Variants in LRMDA observed in about 807,000 individuals in gnomAD.
LRMDA encodes the protein leucine rich melanocyte differentiation associated.
Under a neutral mutation model 29.8 loss-of-function variants are expected in LRMDA, and 18 were observed. The observed-to-expected ratio is 0.60, with a 90% CI of 0.42 to 0.90. LRMDA has a LOEUF of 0.90. LRMDA is among the 40% of genes least tolerant of loss of function. The probability of loss-of-function intolerance (pLI) is 0.00; values close to 1 mark genes in which losing one functional copy is unlikely to be tolerated. For missense variants in LRMDA, 273 were observed against 273.9 expected, an observed-to-expected ratio of 1.00 and a Z score of 0.02; for synonymous variants, 125 against 109.4, an observed-to-expected ratio of 1.14 and a Z score of -0.89.
chr10:75,890,663 A>C (rs1203726594), intron 2 of LRMDA, among the ~76,000 whole-genome samples: 1 of 152,180 alleles, frequency 6.6e-6, no homozygotes, highest in Non-Finnish European at 1.5e-5. Context: ...ATGCTTTACA[A>C]AATGCAACAA....
rs186626461 is a variant in LRMDA at position 76,092,170 on chromosome 10, G to C, written c.516+33387G>C. Among the ~76,000 whole-genome samples the C allele has an allele frequency of 2.0e-3, 299 of 152,308 alleles. 4 individuals carry two copies. The highest frequency in any genetic ancestry group is 7.0e-3 in the African/African-American group (291 of 41,568). ...TGACCCTGGTCAATGTTTAGCTAGT[G>C]TGCACTTAAATGATTTCCCCTAGTT... On this transcript the variant is annotated intron_variant, in intron 5 of 6. Coordinates refer to ENST00000611255, the MANE Select transcript of LRMDA (RefSeq NM_001305581.2).
chr10:75,541,402 CT>C (rs35660494), intron 2 of LRMDA, among the ~76,000 whole-genome samples: 72,118 of 136,826 alleles, frequency 0.53, 19,870 homozygotes, highest in Non-Finnish European at 0.63. Context: ...TCCCCACAAA[CT>C]TTTTTTTTTT....
At position 76,476,253 on chromosome 10, in the gene LRMDA, C is replaced by T. The variant is rs188274395; in HGVS notation, c.602-80956C>T. Among the ~76,000 whole-genome samples, 779 of 152,272 alleles carry T rather than the reference C, an allele frequency of 5.1e-3. 10 individuals are homozygous for T. Among genetic ancestry groups the T allele is most frequent in the African/African-American group, 0.018 (751 of 41,564 alleles). ...ATCCCACAGAAATACAAACTACTAT[C>T]AGAGAATACTATAAACACCTCTACG... On this transcript the variant is annotated intron_variant, in intron 6 of 6. Coordinates refer to ENST00000611255, the MANE Select transcript of LRMDA (RefSeq NM_001305581.2).
intron 2 of LRMDA, among the ~76,000 whole-genome samples, chr10:75,918,601 G>A (rs1236681515): frequency 6.6e-6 from 1 of 152,084 alleles, no homozygotes; most frequent in African/African-American, 2.4e-5. Flanking sequence ...TTTAATATTA[G>A]GGATTACGAT....
chr10:76,511,548 T>A lies in LRMDA; in HGVS notation c.602-45661T>A, dbSNP rs572327689. On this transcript the variant is annotated intron_variant, in intron 6 of 6. Transcript: ENST00000611255. ...GTTAGCAAGATTGCAAGATACAAGA[T>A]CAATATGTGAAAAATCAATTTTCTT... is the stretch of plus-strand genomic sequence containing the variant. Among the ~76,000 whole-genome samples the A allele has an allele frequency of 1.6e-4, 24 of 152,066 alleles. No individual in the cohort carries two copies. In the South Asian group the frequency reaches 5.0e-3, roughly 32 times the overall value.
intron 6 of LRMDA, among the ~76,000 whole-genome samples, chr10:76,509,420 T>G (rs2132350303): frequency 6.6e-6 from 1 of 152,296 alleles, no homozygotes; most frequent in South Asian, 2.1e-4. Context: ...ACCTTGCAAC[T>G]TAAGTTTCTA....
At chr10:75,713,062 A>T (rs1842456336) in intron 2 of LRMDA, among the ~76,000 whole-genome samples, 1 of 152,194 alleles carries the variant, frequency 6.6e-6, no homozygotes, top group South Asian at 2.1e-4. Context: ...TAGTGATAGT[A>T]ATGCACACTT....
intron 2 of LRMDA, among the ~76,000 whole-genome samples, chr10:75,629,066 A>G (rs1841291703): frequency 6.6e-6 from 1 of 152,236 alleles, no homozygotes; most frequent in Non-Finnish European, 1.5e-5. Flanking sequence ...CAAACCTGTA[A>G]GTGAGAAGCC....
At chr10:76,068,649 A>G (rs1332472552) in intron 5 of LRMDA, among the ~76,000 whole-genome samples, 2 of 152,222 alleles carry the variant, frequency 1.3e-5, no homozygotes, top group African/African-American at 4.8e-5. Flanking sequence ...CTTGTATCTA[A>G]TAGACCACAG....
intron 6 of LRMDA, among the ~76,000 whole-genome samples, chr10:76,504,037 C>T (rs998930098): frequency 1.3e-5 from 2 of 151,624 alleles, no homozygotes; most frequent in African/African-American, 4.8e-5. Context: ...TCTATATTTT[C>T]ATTAATTTCA....
intron 6 of LRMDA, among the ~76,000 whole-genome samples, chr10:76,514,366 G>T (rs777264546): frequency 1.3e-5 from 2 of 152,160 alleles, no homozygotes; most frequent in African/African-American, 2.4e-5. Context: ...AGGGCCAGTT[G>T]TCAGGTGGTT....
intron 5 of LRMDA, among the ~76,000 whole-genome samples, chr10:76,108,974 C>T (rs1028385357): frequency 3.3e-5 from 5 of 152,088 alleles, no homozygotes; most frequent in Admixed American, 6.5e-5. Flanking sequence ...CAATGGGCAG[C>T]GAATTTCTGA....
intron 2 of LRMDA, among the ~76,000 whole-genome samples, chr10:75,815,197 G>A (rs914737286): frequency 6.6e-6 from 1 of 152,154 alleles, no homozygotes; most frequent in Admixed American, 6.5e-5. Flanking sequence ...ATCCACACAG[G>A]CATATGGAGA....
intron 2 of LRMDA, among the ~76,000 whole-genome samples, chr10:75,916,395 AGGCAGCAG>A (rs1308610967): frequency 6.6e-6 from 1 of 152,036 alleles, no homozygotes; most frequent in East Asian, 1.9e-4. Flanking sequence ...GGCAAGAGAG[AGGCAGCAG>A]GGGTGAGGCA....
chr10:76,151,157 A>C (rs374030342), intron 5 of LRMDA, among the ~76,000 whole-genome samples: 1 of 152,116 alleles, frequency 6.6e-6, no homozygotes, highest in Non-Finnish European at 1.5e-5. Context: ...TCCTGTGTAC[A>C]TTTCCTGTGA....
At chr10:76,389,195 G>A (rs991862750) in intron 6 of LRMDA, among the ~76,000 whole-genome samples, 4 of 152,146 alleles carry the variant, frequency 2.6e-5, no homozygotes, top group Non-Finnish European at 4.4e-5. Flanking sequence ...AAGGGAGAAC[G>A]GCATGTAGAA....
intron 6 of LRMDA, among the ~76,000 whole-genome samples, chr10:76,477,608 G>A (rs952746889): frequency 3.4e-4 from 51 of 152,150 alleles, no homozygotes; most frequent in Admixed American, 9.2e-4. Context: ...ATCCTAAGCC[G>A]AAAGAACAAA....
intron 6 of LRMDA, among the ~76,000 whole-genome samples, chr10:76,430,573 T>A (rs1842180174): frequency 6.6e-6 from 1 of 152,190 alleles, no homozygotes. Context: ...CAGGAGGGAA[T>A]TGAGAGCTGG....
chr10:76,469,623 C>G (rs1842598078), intron 6 of LRMDA, among the ~76,000 whole-genome samples: 3 of 152,050 alleles, frequency 2.0e-5, no homozygotes, highest in Non-Finnish European at 4.4e-5. Flanking sequence ...GTCTTTGAAA[C>G]AGAGTGAGGG....
Sources: allele counts gnomAD v4.1 joint callset (sites outside exome capture counted in the v4.1 genomes callset), GRCh38; gene constraint gnomAD v4.1.1; transcripts MANE v1.5; gene names NCBI Gene and HGNC (gene_info 2026-07-23, HGNC 2026-07-21).